The following NTRK2 variants were observed in gnomAD, a reference collection of about 807,000 sequenced individuals.
NTRK2 encodes the protein neurotrophic receptor tyrosine kinase 2.
In NTRK2, 13 loss-of-function variants were observed where a neutral mutation model predicts 94.5. The observed-to-expected ratio is 0.14, with a 90% CI of 0.09 to 0.22. NTRK2 has a LOEUF of 0.22. NTRK2 is among the 10% of genes least tolerant of loss of function. The probability of loss-of-function intolerance (pLI) is 1.00; values close to 1 mark genes in which losing one functional copy is unlikely to be tolerated. For synonymous variants in NTRK2, 372 were observed against 407.4 expected (o/e 0.91, Z 1.05); for missense variants, 639 against 1,071.2 (o/e 0.60, Z 5.63).
At chr9:84,839,760 C>T (rs554196180) in intron 12 of NTRK2, among the ~76,000 whole-genome samples, 1 of 152,304 alleles carries the variant, frequency 6.6e-6, no homozygotes, top group African/African-American at 2.4e-5. Flanking sequence ...AGCTATGCTG[C>T]CGCCTTCTCC....
intron 14 of NTRK2, among the ~76,000 whole-genome samples, chr9:84,915,400 TCA>T (rs1477799800): frequency 1.3e-5 from 2 of 152,290 alleles, no homozygotes; most frequent in East Asian, 3.9e-4. Flanking sequence ...GAATCAGTTC[TCA>T]CACTTTTAGT....
intron 13 of NTRK2, 92 bp from the exon 14 acceptor site, chr9:84,867,151 G>A (rs929818734): frequency 4.9e-6 from 6 of 1,229,934 alleles, no homozygotes; most frequent in Admixed American, 3.6e-5. Flanking sequence ...CCACTGAATT[G>A]TATACTTTAA....
At chr9:84,724,452 T>TA (rs1267888340) in intron 8 of NTRK2, 96 bp downstream of exon 8, 32 of 1,429,668 alleles carry the variant, frequency 2.2e-5, no homozygotes, top group Middle Eastern at 1.7e-4. Context: ...TTAAATTTGT[T>TA]AAAAAAAGTA....
chr9:85,017,314 A>G (rs1403948401), intron 17 of NTRK2, among the ~76,000 whole-genome samples: 1 of 151,656 alleles, frequency 6.6e-6, no homozygotes, highest in African/African-American at 2.4e-5. Flanking sequence ...GGAGGTATAC[A>G]TTATTACTTA....
chr9:84,822,943 T>A (rs183076967), intron 12 of NTRK2, among the ~76,000 whole-genome samples: 150 of 152,348 alleles, frequency 9.8e-4, no homozygotes, highest in Non-Finnish European at 1.4e-3. Flanking sequence ...CATTAATTGC[T>A]GCTTGCCATC....
At chr9:84,754,458 A>G (rs1030368271) in intron 12 of NTRK2, among the ~76,000 whole-genome samples, 3 of 152,212 alleles carry the variant, frequency 2.0e-5, no homozygotes, top group Non-Finnish European at 4.4e-5. Flanking sequence ...GATATGGTTC[A>G]TGTATCAAGT....
At chr9:84,705,477 A>C (rs2060991067) in intron 4 of NTRK2, among the ~76,000 whole-genome samples, 1 of 152,152 alleles carries the variant, frequency 6.6e-6, no homozygotes, top group Non-Finnish European at 1.5e-5. Flanking sequence ...ATGGCTCATA[A>C]AACTCATCTT....
rs11140761 is a variant in NTRK2 at position 84,798,941 on chromosome 9, T to A, written c.1396+46856T>A. Among the ~76,000 whole-genome samples the A allele has an allele frequency of 2.8e-4, 33 of 119,866 alleles. 1 individual carries two copies. Among genetic ancestry groups the A allele is most frequent in the African/African-American group, 8.7e-4 (31 of 35,586 alleles). 78.6% of individuals were successfully genotyped at this position (119,866 alleles called of 152,430 possible). ...ATATATATATATATATATATATATA[T>A]GCTTATTTAATCTGCACATCAGCCC... is the stretch of plus-strand genomic sequence containing the variant. On this transcript the variant is annotated intron_variant, in intron 12 of 18. Coordinates refer to ENST00000277120, the MANE Select transcript of NTRK2 (RefSeq NM_006180.6).
chr9:84,769,545 C>G (rs924094440), intron 12 of NTRK2, among the ~76,000 whole-genome samples: 3 of 152,208 alleles, frequency 2.0e-5, no homozygotes, highest in Non-Finnish European at 4.4e-5. Flanking sequence ...CGATACAATT[C>G]AATTCAAACA....
At chr9:84,672,345 T>C (rs917522691) in intron 2 of NTRK2, among the ~76,000 whole-genome samples, 11 of 152,152 alleles carry the variant, frequency 7.2e-5, no homozygotes, top group African/African-American at 2.4e-4. Context: ...CTAGGATCTC[T>C]ATCTTTTTGG....
At chr9:84,987,662 G>A (rs1197683682) in intron 17 of NTRK2, among the ~76,000 whole-genome samples, 2 of 146,470 alleles carry the variant, frequency 1.4e-5, no homozygotes, top group African/African-American at 4.9e-5. Context: ...TAAACATGAG[G>A]AGAATTAACT....
At chr9:84,761,669 C>G (rs1163127601) in intron 12 of NTRK2, among the ~76,000 whole-genome samples, 1 of 152,188 alleles carries the variant, frequency 6.6e-6, no homozygotes, top group Non-Finnish European at 1.5e-5. Flanking sequence ...TAGCCACAGT[C>G]TCTTTACTGT....
At chr9:84,988,425 A>C (rs755201456) in intron 17 of NTRK2, among the ~76,000 whole-genome samples, 2 of 151,994 alleles carry the variant, frequency 1.3e-5, no homozygotes, top group Non-Finnish European at 2.9e-5. Flanking sequence ...TTAATCTATA[A>C]ATTTCATCTC....
At chr9:84,829,186 A>G (rs928968936) in intron 12 of NTRK2, among the ~76,000 whole-genome samples, 2 of 151,916 alleles carry the variant, frequency 1.3e-5, no homozygotes, top group Non-Finnish European at 2.9e-5. Flanking sequence ...TTTAGTAGAG[A>G]TGGGGTTTCG....
intron 12 of NTRK2, among the ~76,000 whole-genome samples, chr9:84,805,303 T>C (rs1244341118): frequency 6.6e-6 from 1 of 152,178 alleles, no homozygotes; most frequent in East Asian, 1.9e-4. Flanking sequence ...GTAATTTTAG[T>C]TTTTCACCTC....
chr9:84,769,593 T>A (rs1410454981), intron 12 of NTRK2, among the ~76,000 whole-genome samples: 1 of 146,276 alleles, frequency 6.8e-6, no homozygotes, highest in Non-Finnish European at 1.6e-5. Flanking sequence ...GTTGGTTAAA[T>A]GAATATGCAC....
chr9:84,691,087 C>T (rs1462000803), intron 2 of NTRK2, among the ~76,000 whole-genome samples: 1 of 152,162 alleles, frequency 6.6e-6, no homozygotes, highest in Non-Finnish European at 1.5e-5. Context: ...TAACTGAGTG[C>T]AACATTTGTC....
intron 12 of NTRK2, among the ~76,000 whole-genome samples, chr9:84,801,084 G>A (rs897503556): frequency 2.0e-5 from 3 of 152,220 alleles, no homozygotes; most frequent in African/African-American, 7.2e-5. Flanking sequence ...CACTGCTCGT[G>A]CCTGCGAATG....
rs2118024706 is a variant in NTRK2, at chr9:85,021,467, A to C, written c.*30A>C. ...CTTTTCCCCAGACCGATCCTTCCCA[A>C]CGTACTCCTCAGACGGGCTGAGAGG... On this transcript the variant is annotated 3_prime_UTR_variant, in exon 19 of 19. Transcript: ENST00000277120. The C allele has an allele frequency of 6.2e-7, 1 of 1,609,416 alleles. No individual in the cohort carries two copies. Among genetic ancestry groups the C allele is most frequent in the Non-Finnish European group, 8.5e-7 (1 of 1,175,830 alleles).
Sources: gnomAD v4.1 joint callset for allele counts (sites outside exome capture counted in the v4.1 genomes callset) on GRCh38, gnomAD v4.1.1 for gene constraint, MANE v1.5 for transcripts, NCBI Gene and HGNC (gene_info 2026-07-23, HGNC 2026-07-21) for gene names.